Variants in SOX5 observed in about 807,000 individuals in gnomAD.
SOX5 encodes the protein SRY-box transcription factor 5, also known as transcription factor SOX-5.
Under a neutral mutation model 92.0 loss-of-function variants are expected in SOX5, and 9 were observed. The ratio of observed to expected loss-of-function variants is 0.10; its 90% confidence interval spans 0.06 to 0.17. The LOEUF is 0.17. Ranked by LOEUF, SOX5 falls within the 10% of genes least tolerant of loss-of-function variation. The pLI is 1.00. For synonymous variants in SOX5, 344 were observed against 336.3 expected, an observed-to-expected ratio of 1.02 and a Z score of -0.25; for missense variants, 642 against 944.5, an observed-to-expected ratio of 0.68 and a Z score of 4.20.
intron 4 of SOX5, among the ~76,000 whole-genome samples, chr12:24,023,943 A>G (rs1954595263): frequency 6.6e-6 from 1 of 152,054 alleles, no homozygotes; most frequent in African/African-American, 2.4e-5. Context: ...TGGGAATAAA[A>G]GTCAATTATC....
At chr12:24,433,703 A>G (rs1938829385) in intron 1 of SOX5, among the ~76,000 whole-genome samples, 1 of 152,184 alleles carries the variant, frequency 6.6e-6, no homozygotes, top group Non-Finnish European at 1.5e-5. Flanking sequence ...ATTTTAAGTT[A>G]AAATTTGGAG....
intron 3 of SOX5, among the ~76,000 whole-genome samples, chr12:24,230,978 T>A (rs184463328): frequency 6.6e-6 from 1 of 152,228 alleles, no homozygotes; most frequent in Non-Finnish European, 1.5e-5. Context: ...GTAAAGTACT[T>A]GGTCCTCATT....
chr12:23,796,827 T>C (rs980469626), intron 3 of SOX5, among the ~76,000 whole-genome samples: 13 of 148,936 alleles, frequency 8.7e-5, no homozygotes, highest in African/African-American at 3.0e-4. Flanking sequence ...TATTTAAACA[T>C]TTTTTCACAT....
chr12:24,211,283 G>A (rs1039242455), intron 4 of SOX5, among the ~76,000 whole-genome samples: 2 of 152,142 alleles, frequency 1.3e-5, no homozygotes, highest in African/African-American at 4.8e-5. Flanking sequence ...GTGTTCTCTA[G>A]TATCTCTGCT....
At chr12:24,296,938 C>G (rs917063355) in intron 2 of SOX5, among the ~76,000 whole-genome samples, 160 of 151,524 alleles carry the variant, frequency 1.1e-3, no homozygotes, top group African/African-American at 2.0e-3. Context: ...CAGACACACA[C>G]ACACACACAC....
intron 4 of SOX5, among the ~76,000 whole-genome samples, chr12:24,111,967 T>C (rs895909612): frequency 1.3e-5 from 2 of 152,176 alleles, no homozygotes; most frequent in African/African-American, 2.4e-5. Flanking sequence ...TCACCAAGAA[T>C]GGTGACAGAA....
intron 4 of SOX5, among the ~76,000 whole-genome samples, chr12:24,031,569 A>G (rs1169015978): frequency 1.3e-5 from 2 of 151,782 alleles, no homozygotes; most frequent in African/African-American, 2.4e-5. Flanking sequence ...GTCAAAAAAT[A>G]TATTTTAAAA....
rs1435613538 is a variant in SOX5, at chr12:24,095,122, CACACACAGAGAGAG to C, written c.-2+118207_-2+118220del. Among the ~76,000 whole-genome samples the C allele has an allele frequency of 8.1e-3, 765 of 93,966 alleles. 3 individuals are homozygous for C. Among genetic ancestry groups the C allele is most frequent in the South Asian group, 0.012 (25 of 2,146 alleles). 61.6% of individuals were successfully genotyped at this position (93,966 alleles called of 152,430 possible). ...ACACACACACACACACACACACACA[CACACACAGAGAGAG>C]AGAGAGAGAGAGAGAGAGAGACAGA... On this transcript the variant is annotated intron_variant, in intron 4 of 4. Coordinates refer to the SOX5 transcript ENST00000446891.
chr12:24,028,877 GTT>G (rs1472787967), intron 4 of SOX5, among the ~76,000 whole-genome samples: 1 of 151,898 alleles, frequency 6.6e-6, no homozygotes, highest in Non-Finnish European at 1.5e-5. Context: ...TTAAAATATG[GTT>G]TTGTTTCTGA....
intron 1 of SOX5, among the ~76,000 whole-genome samples, chr12:23,912,721 G>T (rs1595587290): frequency 6.6e-6 from 1 of 152,064 alleles, no homozygotes; most frequent in Admixed American, 6.6e-5. Flanking sequence ...TACGCCAAGT[G>T]AAAGAAGCCA....
chr12:24,210,786 C>A (rs1033790745), intron 4 of SOX5, among the ~76,000 whole-genome samples: 4 of 152,194 alleles, frequency 2.6e-5, no homozygotes, highest in Non-Finnish European at 5.9e-5. Context: ...GCCCCTTGAA[C>A]ACAATCATCA....
rs182908230 is a variant in SOX5 at position 23,983,186 on chromosome 12, T to C, written c.-1-87162A>G. Among the ~76,000 whole-genome samples the C allele has an allele frequency of 1.3e-3, 192 of 151,944 alleles. 1 individual carries two copies. The highest frequency in any genetic ancestry group is 4.5e-3 in the African/African-American group (187 of 41,440). ...GCATCTGTATTTAAAAATGGGCAGA[T>C]GCCATCCTACCCACTGCTTTATATC... On this transcript the variant is annotated intron_variant, in intron 4 of 4. Transcript: ENST00000446891.
intron 2 of SOX5, among the ~76,000 whole-genome samples, chr12:24,288,411 T>C (rs1182425886): frequency 1.3e-5 from 2 of 152,216 alleles, no homozygotes; most frequent in Non-Finnish European, 2.9e-5. Flanking sequence ...TGGGTGCTAA[T>C]GACTGGTTTG....
At chr12:24,122,355 A>G (rs1435573194) in intron 4 of SOX5, among the ~76,000 whole-genome samples, 2 of 152,196 alleles carry the variant, frequency 1.3e-5, no homozygotes, top group South Asian at 4.1e-4. Flanking sequence ...TCATGACAAA[A>G]GTTTTCTGGA....
intron 4 of SOX5, among the ~76,000 whole-genome samples, chr12:24,043,666 T>TA (rs993432157): frequency 6.6e-6 from 1 of 152,224 alleles, no homozygotes; most frequent in African/African-American, 2.4e-5. Flanking sequence ...TCCTTAATCA[T>TA]ATGTTGCACA....
intron 4 of SOX5, among the ~76,000 whole-genome samples, chr12:23,963,644 T>C (rs1231735799): frequency 6.6e-6 from 1 of 151,688 alleles, no homozygotes; most frequent in East Asian, 2.0e-4. Context: ...CATACATGCA[T>C]GCAGGCATGC....
At position 23,755,659 on chromosome 12, in the gene SOX5, C is replaced by T; in HGVS notation, c.547G>A (p.Gly183Arg). Residue 183 changes from glycine to arginine, a missense_variant, in exon 4 of 15, where the codon GGG (glycine) becomes AGG (arginine). Transcript: ENST00000451604. ...WKDKLLAMGSGNFGEIKGTPE... is the reference protein window; with the variant it reads ...WKDKLLAMGSRNFGEIKGTPE... Reference sequence around the variant, plus strand: ...TTACCTTTTATTTCGCCAAAGTTCCCCGATCCCATTGCAAGAAGCTTGTCT... The same window carrying T: ...TTACCTTTTATTTCGCCAAAGTTCCTCGATCCCATTGCAAGAAGCTTGTCT... 1.9e-6 allele frequency: 3 copies of T among 1,591,570 alleles called. No individual in the cohort carries two copies. Among genetic ancestry groups the T allele is most frequent in the Non-Finnish European group, 2.6e-6 (3 of 1,169,926 alleles).
intron 3 of SOX5, among the ~76,000 whole-genome samples, chr12:24,243,931 C>T (rs1938030685): frequency 6.6e-6 from 1 of 151,708 alleles, no homozygotes; most frequent in Admixed American, 6.6e-5. Flanking sequence ...TGTAACCTTA[C>T]ATTACAGTTC....
At chr12:24,379,368 C>T (rs1254252362) in intron 1 of SOX5, among the ~76,000 whole-genome samples, 2 of 152,114 alleles carry the variant, frequency 1.3e-5, no homozygotes, top group Admixed American at 6.6e-5. Context: ...ATGTTTCAGG[C>T]TGGTTACGTA....
Sources: allele counts gnomAD v4.1 joint callset (sites outside exome capture counted in the v4.1 genomes callset), GRCh38; gene constraint gnomAD v4.1.1; transcripts MANE v1.5; gene names NCBI Gene and HGNC (gene_info 2026-07-23, HGNC 2026-07-21).